Variants in UTP25 observed in about 807,000 individuals in gnomAD.
UTP25 encodes the protein U3 small nucleolar RNA-associated protein 25 homolog.
A neutral mutation model predicts 78.9 loss-of-function variants in UTP25; 50 were observed. That is an observed-to-expected ratio of 0.63 (90% confidence interval 0.50 to 0.80). The LOEUF (loss-of-function observed/expected upper bound fraction) is 0.80. Ranked by LOEUF, UTP25 falls within the 30% of genes least tolerant of loss-of-function variation. The pLI is 0.00. For synonymous variants in UTP25, 329 were observed against 336.5 expected, an observed-to-expected ratio of 0.98 and a Z score of 0.24; for missense variants, 846 against 911.3, an observed-to-expected ratio of 0.93 and a Z score of 0.92.
In UTP25 at chr1:209,854,415, GAACCAGCAGCAGCTA is replaced by G. The variant is rs1271338309; in HGVS notation, c.*2972_*2986del. 2.0e-5 allele frequency: 3 copies of G among 152,216 alleles called. No homozygotes were observed. The highest frequency in any genetic ancestry group is 4.4e-5 in the Non-Finnish European group (3 of 68,050). 9.4% of individuals were successfully genotyped at this position (152,216 alleles called of 1,614,324 possible). ...AAAACAAGAACAAGCTAATCATAGA[GAACCAGCAGCAGCTA>G]AACAGCCCTCTGCTTGCTTCCAAAG... is the stretch of plus-strand genomic sequence containing the variant. On this transcript the variant is annotated 3_prime_UTR_variant, in exon 12 of 12. Transcript: ENST00000491415.
At position 209,830,976 on chromosome 1, in the gene UTP25, T is replaced by A. The variant is rs1336172867; in HGVS notation, c.321T>A (p.Asp107Glu). Residue 107 changes from aspartate (D) to glutamate (E), a missense_variant, in exon 3 of 12, where the codon GAT becomes GAA. By Grantham distance (45) the Asp-to-Glu change is conservative. Transcript: ENST00000491415. ...DSIVDDAEMN[D>E]EDGGSDVSVE... Reference sequence around the variant, plus strand: ...TTGTAGATGATGCAGAAATGAACGATGAAGATGGTGGTAGCGATGTCAGTG... The same window carrying A: ...TTGTAGATGATGCAGAAATGAACGAAGAAGATGGTGGTAGCGATGTCAGTG... 8 of 1,613,894 alleles carry A rather than the reference T, an allele frequency of 5.0e-6. No individual in the cohort carries two copies. The Admixed American group carries it at 5.0e-5, about 10-fold the overall frequency.
chr1:209,834,843 G>A (rs1287140065), intron 4 of UTP25, among the ~76,000 whole-genome samples: 1 of 152,184 alleles, frequency 6.6e-6, no homozygotes, highest in African/African-American at 2.4e-5. Flanking sequence ...ATTCCAGGCT[G>A]AGAAGTTTCT....
chr1:209,842,694 A>T lies in UTP25; in HGVS notation c.1780A>T (p.Arg594Trp), dbSNP rs1384346310. The change falls in exon 10 of 12, where the codon AGG becomes TGG. Residue 594 changes from arginine (R) to tryptophan (W), a missense_variant and splice_region_variant. By Grantham distance (101) the Arg-to-Trp change is moderately radical (BLOSUM62 -3). Coordinates refer to ENST00000491415, the MANE Select transcript of UTP25 (RefSeq NM_014388.7). ...AENLASVIDARFNFFVNKILP... is the reference protein window; with the variant it reads ...AENLASVIDAWFNFFVNKILP... ...AAACCTAGCTTCAGTGATTGATGCCAGGTAACCCACTCCTCCCAGCAGGCC... is the reference window on the plus strand; with the variant it reads ...AAACCTAGCTTCAGTGATTGATGCCTGGTAACCCACTCCTCCCAGCAGGCC... The T allele has an allele frequency of 6.2e-7, 1 of 1,608,982 alleles. No individual in the cohort carries two copies. Among genetic ancestry groups the T allele is most frequent in the Admixed American group, 1.7e-5 (1 of 59,346 alleles).
chr1:209,836,897 C>A lies in UTP25; in HGVS notation c.748C>A (p.Gln250Lys). Residue 250 changes from glutamine to lysine, a missense_variant, in exon 6 of 12, where the codon CAG becomes AAG. Transcript: ENST00000491415. ...KDIDLKSLHL[Q>K]KPLESTWTKT... is the part of the protein sequence containing the mutation. ...TATTGACTTAAAGTCACTTCATCTC[C>A]AGAAGCCTCTGGAATCCACCTGGAC... 1 of 1,614,116 alleles carries A rather than the reference C, an allele frequency of 6.2e-7. No homozygotes were observed.
rs1032228484 is a variant in UTP25 at position 209,843,678 on chromosome 1, G to A, written c.2009G>A (p.Arg670His). 13 of 1,613,266 alleles carry A rather than the reference G, an allele frequency of 8.1e-6. No individual in the cohort carries two copies. The highest frequency in any genetic ancestry group is 6.7e-5 in the East Asian group (3 of 44,884). The change falls in exon 11 of 12, where the codon CGC (arginine) becomes CAC (histidine). Residue 670 changes from arginine to histidine, a missense_variant. Arg to His is a conservative substitution (Grantham distance 29). Coordinates refer to ENST00000491415, the MANE Select transcript of UTP25 (RefSeq NM_014388.7). The part of the protein sequence containing the change: ...GEKQFLLFTE[R>H]FHFYKRYTIK... ...AAACAGTTTCTACTTTTCACAGAGC[G>A]CTTCCATTTCTACAAAAGGTAAAGT... is the stretch of plus-strand genomic sequence containing the variant.
chr1:209,829,182 G>A (rs2078088536), intron 1 of UTP25, among the ~76,000 whole-genome samples: 1 of 152,122 alleles, frequency 6.6e-6, no homozygotes, highest in Admixed American at 6.5e-5. Context: ...GATCAAATCC[G>A]GGTAATTAGC....
At position 209,856,016 on chromosome 1, in the gene UTP25, G is replaced by A. The variant is rs2078273021; in HGVS notation, c.*4569G>A. On this transcript the variant is annotated 3_prime_UTR_variant, in exon 12 of 12. Coordinates refer to ENST00000491415, the MANE Select transcript of UTP25 (RefSeq NM_014388.7). ...AAGGAGAGGTGGCCCTGGGCTCACA[G>A]CTGGTGTTTGTCCACAGATGTTCAT... 1.3e-5 allele frequency: 2 copies of A among 152,294 alleles called. No individual in the cohort carries two copies. The highest frequency in any genetic ancestry group is 2.9e-5 in the Non-Finnish European group (2 of 68,090). The allele number at this position is 152,294 out of a possible 1,614,324, so 9.4% of individuals were successfully genotyped here. A position where few individuals can be genotyped will look rare whatever the true frequency, so the allele number is the denominator to read the frequency against.
At chr1:209,848,656 C>T (rs978857543) in intron 11 of UTP25, among the ~76,000 whole-genome samples, 1 of 152,144 alleles carries the variant, frequency 6.6e-6, no homozygotes. Flanking sequence ...GCATCTTTTC[C>T]ATATCTTCTC....
intron 8 of UTP25, 50 bp from the exon 9 acceptor site, chr1:209,842,215 A>G (rs746074322): frequency 1.3e-6 from 2 of 1,485,694 alleles, no homozygotes; most frequent in Non-Finnish European, 9.0e-7. Flanking sequence ...AATGTCCAAC[A>G]TGTAAATGCT....
At chr1:209,833,959 C>T (rs1341386203) in intron 4 of UTP25, among the ~76,000 whole-genome samples, 2 of 152,136 alleles carry the variant, frequency 1.3e-5, no homozygotes, top group Middle Eastern at 3.2e-3. Context: ...AGGTTGGTCT[C>T]GTTCTGTATC....
chr1:209,831,245 A>G (rs1361773954), intron 3 of UTP25, among the ~76,000 whole-genome samples: 2 of 152,158 alleles, frequency 1.3e-5, no homozygotes, highest in African/African-American at 4.8e-5. Flanking sequence ...CAGAAATAAC[A>G]TTTTTGCTTG....
chr1:209,837,752 G>A (rs539755725), intron 6 of UTP25, among the ~76,000 whole-genome samples: 33 of 152,172 alleles, frequency 2.2e-4, no homozygotes, highest in African/African-American at 6.5e-4. Context: ...AAAGTGATGC[G>A]TTTGTATTCA....
chr1:209,837,500 C>A (rs1309058088), intron 6 of UTP25, among the ~76,000 whole-genome samples: 1 of 152,150 alleles, frequency 6.6e-6, no homozygotes, highest in African/African-American at 2.4e-5. Context: ...CATTATAAAT[C>A]TCTTCTTTGT....
intron 6 of UTP25, among the ~76,000 whole-genome samples, chr1:209,838,344 T>G (rs1175670588): frequency 6.6e-6 from 1 of 150,880 alleles, no homozygotes; most frequent in East Asian, 1.9e-4. Context: ...CTGAGTCCTG[T>G]TTTTCCCATT....
At chr1:209,830,179 GT>G in intron 2 of UTP25, 32 bp downstream of exon 2, 1 of 1,594,016 alleles carries the variant, frequency 6.3e-7, no homozygotes, top group Non-Finnish European at 8.6e-7. Context: ...TTAATAGTTG[GT>G]TTTGGGTTGT....
At chr1:209,851,147 G>GCC in intron 11 of UTP25, 57 bp from the exon 12 acceptor site, 1 of 1,565,946 alleles carries the variant, frequency 6.4e-7, no homozygotes, top group Non-Finnish European at 8.6e-7. Flanking sequence ...CTCCTAGGTA[G>GCC]TTTTTCTAGA....
At chr1:209,849,477 C>T (rs1341682619) in intron 11 of UTP25, among the ~76,000 whole-genome samples, 7 of 152,166 alleles carry the variant, frequency 4.6e-5, no homozygotes, top group East Asian at 1.9e-4. Context: ...CACCCTCCCC[C>T]TCAAGTGGTT....
intron 6 of UTP25, 33 bp downstream of exon 6, chr1:209,837,244 A>G (rs2078138995): frequency 6.3e-7 from 1 of 1,595,992 alleles, no homozygotes; most frequent in South Asian, 1.1e-5. Context: ...GCTCTCGAGG[A>G]GGTGGCTGCA....
intron 1 of UTP25, among the ~76,000 whole-genome samples, chr1:209,828,488 C>T (rs1048396644): frequency 4.0e-5 from 6 of 149,730 alleles, no homozygotes; most frequent in African/African-American, 1.5e-4. Context: ...CAACCTCTGT[C>T]TCCTCCCGGG....
Sources: allele counts gnomAD v4.1 joint callset (sites outside exome capture counted in the v4.1 genomes callset), GRCh38; gene constraint gnomAD v4.1.1; transcripts MANE v1.5; gene names NCBI Gene and HGNC (gene_info 2026-07-23, HGNC 2026-07-21).